CPA3: variants seen among roughly 807,000 people sequenced by gnomAD.
CPA3 encodes the protein mast cell carboxypeptidase A.
In CPA3, 52 loss-of-function variants were observed where a neutral mutation model predicts 55.8. The observed-to-expected ratio is 0.93, with a 90% CI of 0.75 to 1.17. CPA3 has a LOEUF of 1.17. CPA3 is among the 50% of genes most tolerant of loss of function. The pLI, the probability that CPA3 is intolerant of heterozygous loss-of-function variation, is 0.00. For missense variants in CPA3, 547 were observed against 509.1 expected, an observed-to-expected ratio of 1.07 and a Z score of -0.72; for synonymous variants, 179 against 171.2, an observed-to-expected ratio of 1.05 and a Z score of -0.36.
intron 2 of CPA3, among the ~76,000 whole-genome samples, chr3:148,866,697 A>G (rs1476537878): frequency 6.6e-6 from 1 of 152,192 alleles, no homozygotes; most frequent in African/African-American, 2.4e-5. Context: ...TACAAAGACT[A>G]AGTAAGCGTT....
intron 10 of CPA3, among the ~76,000 whole-genome samples, chr3:148,889,298 G>A (rs1714609422): frequency 6.6e-6 from 1 of 152,100 alleles, no homozygotes; most frequent in Admixed American, 6.6e-5. Context: ...TAACCTGATT[G>A]TCACTTAACA....
intron 9 of CPA3, among the ~76,000 whole-genome samples, chr3:148,885,735 T>C (rs2108037259): frequency 6.6e-6 from 1 of 152,198 alleles, no homozygotes; most frequent in East Asian, 1.9e-4. Context: ...CCACATATAT[T>C]ACTGAAAATA....
In CPA3 at chr3:148,877,371, G is replaced by A. The variant is rs542886516; in HGVS notation, c.270-1070G>A. On this transcript the variant is annotated intron_variant, in intron 3 of 10. Transcript: ENST00000296046. Reference sequence around the variant, plus strand: ...TTAGCTGGCGTAGTGGCACATGCCTGTAATTCCAGCTGCTCAGGAGACCAA... The same window carrying A: ...TTAGCTGGCGTAGTGGCACATGCCTATAATTCCAGCTGCTCAGGAGACCAA... Among the ~76,000 whole-genome samples the A allele has an allele frequency of 3.1e-4, 47 of 152,288 alleles. No individual in the cohort carries two copies. The South Asian group carries it at 9.7e-3, about 32-fold the overall frequency.
chr3:148,892,863 G>C (rs1714712560), intron 10 of CPA3, among the ~76,000 whole-genome samples: 1 of 152,036 alleles, frequency 6.6e-6, no homozygotes, highest in Non-Finnish European at 1.5e-5. Flanking sequence ...CTGTAGAGAG[G>C]AGAAGCACTT....
At position 148,865,351 on chromosome 3, in the gene CPA3, C is replaced by T. The variant is rs746775216; in HGVS notation, c.44C>T (p.Ala15Val). The T allele has an allele frequency of 1.2e-6, 2 of 1,614,100 alleles. No homozygotes were observed. Among genetic ancestry groups the T allele is most frequent in the South Asian group, 1.1e-5 (1 of 91,082 alleles). Residue 15 changes from alanine (A) to valine (V), a missense_variant, in exon 1 of 11, where the codon GCA becomes GTA. Physicochemically the swap from Ala to Val is moderately conservative, Grantham distance 64 (BLOSUM62 0). Transcript: ENST00000296046. ...LPVGLIATTL[A>V]IAPVRFDREK... is the part of the protein sequence containing the mutation. ...GTGGGTTTGATTGCTACCACTCTTG[C>T]AATTGCTCCTGTCCGCTTTGACAGG...
chr3:148,870,092 C>CAAAAAAAAAAAAA (rs66460704), intron 3 of CPA3: 1 of 63,474 alleles, frequency 1.6e-5, no homozygotes, highest in African/African-American at 6.1e-5. Flanking sequence ...GACTCCATCT[C>CAAAAAAAAAAAAA]AAAAAAAAAA....
chr3:148,867,568 A>G (rs766776668), intron 2 of CPA3, among the ~76,000 whole-genome samples: 30 of 152,264 alleles, frequency 2.0e-4, no homozygotes, highest in Non-Finnish European at 3.8e-4. Flanking sequence ...AGAAATGTCT[A>G]TTGTGATAAG....
At chr3:148,880,263 C>T (rs1714323861) in intron 6 of CPA3, among the ~76,000 whole-genome samples, 2 of 152,016 alleles carry the variant, frequency 1.3e-5, no homozygotes, top group Admixed American at 6.6e-5. Context: ...TTAGATAATA[C>T]ATTGGCCGCA....
intron 9 of CPA3, among the ~76,000 whole-genome samples, chr3:148,884,305 A>G (rs986930701): frequency 6.6e-6 from 1 of 152,214 alleles, no homozygotes; most frequent in Non-Finnish European, 1.5e-5. Flanking sequence ...CACTAAGAAT[A>G]TGTTATCTTT....
At chr3:148,866,165 A>G (rs1478827372) in intron 2 of CPA3, among the ~76,000 whole-genome samples, 1 of 152,244 alleles carries the variant, frequency 6.6e-6, no homozygotes, top group East Asian at 1.9e-4. Flanking sequence ...GAAACAGAAG[A>G]GCTAAAGTGC....
intron 3 of CPA3, among the ~76,000 whole-genome samples, chr3:148,869,410 C>T (rs374435790): frequency 2.6e-5 from 4 of 152,064 alleles, no homozygotes; most frequent in Admixed American, 6.5e-5. Context: ...GAGCTACTGG[C>T]GCTGGCCTCC....
intron 10 of CPA3, among the ~76,000 whole-genome samples, chr3:148,893,474 G>A (rs189476092): frequency 8.5e-5 from 13 of 152,130 alleles, no homozygotes; most frequent in Admixed American, 2.0e-4. Flanking sequence ...TAATTCACTC[G>A]CTCTGAAGAC....
At chr3:148,891,595 T>C (rs1027855167) in intron 10 of CPA3, among the ~76,000 whole-genome samples, 1 of 152,194 alleles carries the variant, frequency 6.6e-6, no homozygotes, top group African/African-American at 2.4e-5. Context: ...TGACTTGATA[T>C]AGTTTTGTTT....
At chr3:148,893,595 G>A (rs1714735052) in intron 10 of CPA3, among the ~76,000 whole-genome samples, 1 of 152,084 alleles carries the variant, frequency 6.6e-6, no homozygotes, top group Admixed American at 6.6e-5. Flanking sequence ...AAGGGAACAG[G>A]AGCTGGAAAA....
At chr3:148,892,194 G>C (rs1254467994) in intron 10 of CPA3, among the ~76,000 whole-genome samples, 2 of 151,916 alleles carry the variant, frequency 1.3e-5, no homozygotes, top group Non-Finnish European at 2.9e-5. Context: ...ACTTCCTCAG[G>C]TTCTCTCCTC....
intron 9 of CPA3, among the ~76,000 whole-genome samples, chr3:148,884,868 C>CA (rs34016348): frequency 0.31 from 44,222 of 143,016 alleles, 6,705 homozygotes; most frequent in South Asian, 0.49. Context: ...TACATATCCA[C>CA]AAAAAAAAAA....
At chr3:148,872,340 C>T (rs944212988) in intron 3 of CPA3, among the ~76,000 whole-genome samples, 2 of 152,116 alleles carry the variant, frequency 1.3e-5, no homozygotes, top group African/African-American at 4.8e-5. Context: ...TAACATTGTT[C>T]ACATTTTAGA....
intron 9 of CPA3, among the ~76,000 whole-genome samples, chr3:148,885,443 G>A (rs1360905425): frequency 1.8e-5 from 2 of 113,968 alleles, no homozygotes; most frequent in African/African-American, 3.4e-5. Flanking sequence ...ACGGAGTCTC[G>A]CTCTGTCACC....
At chr3:148,870,260 T>A (rs1714028040) in intron 3 of CPA3, among the ~76,000 whole-genome samples, 1 of 152,110 alleles carries the variant, frequency 6.6e-6, no homozygotes. Flanking sequence ...TAGTTCATTT[T>A]TTTTTTTTGA....
Sources: gnomAD v4.1 joint callset for allele counts (sites outside exome capture counted in the v4.1 genomes callset) on GRCh38, gnomAD v4.1.1 for gene constraint, MANE v1.5 for transcripts, NCBI Gene and HGNC (gene_info 2026-07-23, HGNC 2026-07-21) for gene names.